Variants in ESR1 observed in about 807,000 individuals in gnomAD.
ESR1 encodes the protein estrogen receptor.
In ESR1, 12 loss-of-function variants were observed where a neutral mutation model predicts 52.7. That is an observed-to-expected ratio of 0.23 (90% CI 0.15 to 0.37). The LOEUF (loss-of-function observed/expected upper bound fraction) is 0.37. ESR1 is among the 10% of genes least tolerant of loss of function. ESR1 has a pLI of 1.00. For missense variants in ESR1, 584 were observed against 779.7 expected, an observed-to-expected ratio of 0.75 and a Z score of 2.99; for synonymous variants, 305 against 316.8, an observed-to-expected ratio of 0.96 and a Z score of 0.39.
At position 151,692,035 on chromosome 6, in the gene ESR1, A is replaced by G. The variant is rs1001356118; in HGVS notation, c.-202+1371A>G. Reference sequence around the variant, plus strand: ...GAAAAAAGCAAAATTTTCCTTAAGAATACAAGCGTCGTATTTACGAGTAGA... The same window carrying G: ...GAAAAAAGCAAAATTTTCCTTAAGAGTACAAGCGTCGTATTTACGAGTAGA... On this transcript the variant is annotated intron_variant, in intron 1 of 2. Coordinates refer to the ESR1 transcript ENST00000404742. 2.0e-5 allele frequency among the ~76,000 whole-genome samples: 3 copies of G among 152,344 alleles called. No homozygotes were observed. In the South Asian group the frequency reaches 6.2e-4, roughly 32 times the overall value.
intron 1 of ESR1, among the ~76,000 whole-genome samples, chr6:151,818,683 C>T (rs1358048832): frequency 6.6e-6 from 1 of 152,074 alleles, no homozygotes; most frequent in Non-Finnish European, 1.5e-5. Context: ...TTTCTCTACA[C>T]AGGGTCAGTT....
At chr6:151,697,012 A>G (rs1161777180) in intron 1 of ESR1, among the ~76,000 whole-genome samples, 1 of 152,188 alleles carries the variant, frequency 6.6e-6, no homozygotes, top group Non-Finnish European at 1.5e-5. Flanking sequence ...CATAGTTAAG[A>G]AAAGTGCAAG....
At chr6:151,750,635 T>A (rs548374162) in intron 2 of ESR1, among the ~76,000 whole-genome samples, 66 of 152,274 alleles carry the variant, frequency 4.3e-4, no homozygotes, top group African/African-American at 1.4e-3. Context: ...ATCCTTTGAT[T>A]TTCTTGAAGT....
At chr6:152,033,272 A>C (rs972693283) in intron 5 of ESR1, among the ~76,000 whole-genome samples, 1 of 152,186 alleles carries the variant, frequency 6.6e-6, no homozygotes, top group African/African-American at 2.4e-5. Context: ...AATGGCAACA[A>C]AAGCCAAAAT....
Position 152,051,544 on chromosome 6 carries a change from A to G in ESR1, c.1236-9447A>G, listed in dbSNP as rs139724742. Among the ~76,000 whole-genome samples the G allele has an allele frequency of 2.2e-3, 334 of 151,870 alleles. 2 individuals carry two copies. Among genetic ancestry groups the G allele is most frequent in the African/African-American group, 7.7e-3 (319 of 41,402 alleles). The stretch of plus-strand genomic sequence containing the variant: ...CTTCTACCTCCCCCTGCTTCTCTGT[A>G]TGTCTTTTGCAGGCTCATCTTTCTC... On this transcript the variant is annotated intron_variant, in intron 5 of 7. Coordinates refer to ENST00000206249, the MANE Select transcript of ESR1 (RefSeq NM_000125.4).
chr6:151,672,725 G>T (rs1778110961), intron 1 of ESR1, among the ~76,000 whole-genome samples: 2 of 151,578 alleles, frequency 1.3e-5, no homozygotes. Flanking sequence ...CACCCACCTC[G>T]GCCTCCCAGA....
intron 6 of ESR1, among the ~76,000 whole-genome samples, chr6:152,073,463 A>G (rs1323759649): frequency 6.6e-6 from 1 of 152,232 alleles, no homozygotes; most frequent in Non-Finnish European, 1.5e-5. Flanking sequence ...ACCACACAAA[A>G]GTAACCATTG....
intron 2 of ESR1, among the ~76,000 whole-genome samples, chr6:151,721,441 A>G (rs1288444036): frequency 6.6e-6 from 1 of 152,232 alleles, no homozygotes; most frequent in East Asian, 1.9e-4. Context: ...TGTAATACAG[A>G]ACATGATGGA....
At chr6:151,919,916 A>G (rs963461501) in intron 3 of ESR1, among the ~76,000 whole-genome samples, 1 of 152,232 alleles carries the variant, frequency 6.6e-6, no homozygotes, top group Non-Finnish European at 1.5e-5. Context: ...ATGTATATGT[A>G]TATGCATATG....
intron 2 of ESR1, among the ~76,000 whole-genome samples, chr6:151,715,481 A>G (rs543988000): frequency 4.6e-5 from 7 of 152,176 alleles, no homozygotes; most frequent in Middle Eastern, 3.4e-3. Flanking sequence ...ATCATCAAAT[A>G]TAGGTTTGGT....
intron 1 of ESR1, among the ~76,000 whole-genome samples, chr6:151,838,203 CA>C (rs1489273421): frequency 6.6e-6 from 1 of 152,176 alleles, no homozygotes; most frequent in Non-Finnish European, 1.5e-5. Context: ...TACAGAAAAA[CA>C]AAGGGCCTTT....
At chr6:152,125,061 T>C (rs1014753938) in intron 6 of ESR1, among the ~76,000 whole-genome samples, 2 of 152,204 alleles carry the variant, frequency 1.3e-5, no homozygotes, top group Non-Finnish European at 2.9e-5. Context: ...GGCAGAAGAT[T>C]TCAACCCTGT....
intron 2 of ESR1, among the ~76,000 whole-genome samples, chr6:151,798,485 T>A (rs995075561): frequency 1.3e-5 from 2 of 152,250 alleles, no homozygotes; most frequent in East Asian, 3.8e-4. Context: ...CTGACAAGTG[T>A]CACTAAAAGT....
chr6:151,691,830 C>T (rs993655359), intron 1 of ESR1, among the ~76,000 whole-genome samples: 3 of 152,180 alleles, frequency 2.0e-5, no homozygotes, highest in Non-Finnish European at 4.4e-5. Flanking sequence ...CATAAAATCC[C>T]TTCCTATTTC....
intron 2 of ESR1, among the ~76,000 whole-genome samples, chr6:151,735,346 T>A (rs1432103007): frequency 2.6e-5 from 4 of 152,192 alleles, no homozygotes; most frequent in Non-Finnish European, 5.9e-5. Context: ...TGATCACTAG[T>A]CTCCCACAGA....
At chr6:151,948,138 G>T (rs1202137098) in intron 4 of ESR1, among the ~76,000 whole-genome samples, 1 of 152,068 alleles carries the variant, frequency 6.6e-6, no homozygotes, top group Non-Finnish European at 1.5e-5. Flanking sequence ...TTGTATTTTT[G>T]ATTTCAGCAT....
At chr6:151,805,006 A>G (rs1340946871), upstream of ESR1, 4 of 152,306 alleles carry the variant, frequency 2.6e-5, no homozygotes, top group South Asian at 6.2e-4. Flanking sequence ...AAAGGTATCT[A>G]CCTTTATCTT....
At chr6:151,782,323 A>T (rs1786623838) in intron 2 of ESR1, among the ~76,000 whole-genome samples, 1 of 152,234 alleles carries the variant, frequency 6.6e-6, no homozygotes, top group Non-Finnish European at 1.5e-5. Flanking sequence ...ATGTGTTTTT[A>T]TAATCTCATT....
intron 6 of ESR1, among the ~76,000 whole-genome samples, chr6:152,124,099 G>A (rs189395038): frequency 5.9e-5 from 9 of 152,292 alleles, no homozygotes; most frequent in Admixed American, 2.6e-4. Context: ...TGAGGTTGGC[G>A]GATCACTTGA....
Sources: allele counts gnomAD v4.1 joint callset (sites outside exome capture counted in the v4.1 genomes callset), GRCh38; gene constraint gnomAD v4.1.1; transcripts MANE v1.5; gene names NCBI Gene and HGNC (gene_info 2026-07-23, HGNC 2026-07-21).